The following SORBS2 variants were observed in gnomAD, a reference collection of about 807,000 sequenced individuals.
SORBS2 encodes sorbin and SH3 domain-containing protein 2.
A neutral mutation model predicts 97.7 loss-of-function variants in SORBS2; 46 were observed. The ratio of observed to expected loss-of-function variants is 0.47; its 90% CI spans 0.37 to 0.60. The LOEUF is 0.60. Among genes scored for constraint, SORBS2 ranks in the 20% least tolerant of loss-of-function variants. The pLI, the probability that SORBS2 is intolerant of heterozygous loss-of-function variation, is 0.00. For missense variants in SORBS2, 1,316 were observed against 1,282.3 expected (o/e 1.03, Z -0.40); for synonymous variants, 476 against 473.4 (o/e 1.01, Z -0.07).
intron 1 of SORBS2, among the ~76,000 whole-genome samples, chr4:185,817,679 A>G (rs762058013): frequency 1.3e-5 from 2 of 152,210 alleles, no homozygotes; most frequent in Non-Finnish European, 2.9e-5. Context: ...GGCTCAGCAA[A>G]CAAAACCTGG....
At chr4:185,677,319 T>C (rs1418760208) in intron 4 of SORBS2, 2 of 1,552,332 alleles carry the variant, frequency 1.3e-6, no homozygotes, top group East Asian at 4.9e-5. Flanking sequence ...AGTTTGAGAA[T>C]CTTGCCTGTA....
chr4:185,827,369 T>C (rs62652499), intron 1 of SORBS2, among the ~76,000 whole-genome samples: 1,472 of 2,562 alleles, frequency 0.57, 609 homozygotes, highest in Non-Finnish European at 0.65. Flanking sequence ...ATCATCATCA[T>C]CATCATCATC....
intron 2 of SORBS2, 24 bp from the exon 12 acceptor site, chr4:185,649,680 A>G (rs767453344): frequency 1.5e-6 from 2 of 1,341,112 alleles, no homozygotes; most frequent in Non-Finnish European, 1.9e-6. Flanking sequence ...AAACAAAAGC[A>G]GACAAAAAAC....
chr4:185,890,017 G>T (rs1278328302), intron 1 of SORBS2, among the ~76,000 whole-genome samples: 1 of 152,096 alleles, frequency 6.6e-6, no homozygotes, highest in Non-Finnish European at 1.5e-5. Flanking sequence ...CTCCCAAGTA[G>T]CTGGGATTAC....
Position 185,662,084 on chromosome 4 carries a change from A to T in SORBS2, c.94+20T>A, listed in dbSNP as rs1478887185. The T allele has an allele frequency of 1.9e-6, 3 of 1,613,128 alleles. No individual in the cohort carries two copies. Among genetic ancestry groups the T allele is most frequent in the Admixed American group, 1.7e-5 (1 of 59,960 alleles). On this transcript the variant is annotated intron_variant, in intron 5 of 20. Transcript: ENST00000284776. ...CCGCATTGAGGTTGCCATGGAAATC[A>T]CGGTGAGTAAATTACTTACCGAGGG... is the stretch of plus-strand genomic sequence containing the variant.
rs537590909 is a variant in SORBS2, at chr4:185,674,512, G to C, written c.-46+3911C>G. ...GCCCCACTATGGTACGTTTTTCACT[G>C]AGCTGCCAGAATGATTTTGTTAAAA... On this transcript the variant is annotated intron_variant, in intron 4 of 20. Transcript: ENST00000284776. Among the ~76,000 whole-genome samples, 6 of 152,208 alleles carry C rather than the reference G, an allele frequency of 3.9e-5. No individual in the cohort carries two copies. In the East Asian group the frequency reaches 1.2e-3, roughly 29 times the overall value.
At chr4:185,679,149 G>C (rs1482211059) in intron 2 of SORBS2, among the ~76,000 whole-genome samples, 1 of 152,106 alleles carries the variant, frequency 6.6e-6, no homozygotes, top group Non-Finnish European at 1.5e-5. Flanking sequence ...AGGATCAAAA[G>C]AGATCTGGTT....
chr4:185,950,968 C>T (rs1002701211), intron 1 of SORBS2, among the ~76,000 whole-genome samples: 1 of 152,110 alleles, frequency 6.6e-6, no homozygotes, highest in South Asian at 2.1e-4. Context: ...GGAAAAATAC[C>T]GATAGAGTTT....
chr4:185,621,795 G>A (rs2096724999), intron 7 of SORBS2, among the ~76,000 whole-genome samples: 1 of 152,030 alleles, frequency 6.6e-6, no homozygotes, highest in African/African-American at 2.4e-5. Flanking sequence ...GAATTATTAG[G>A]GGTTTGAATC....
chr4:185,947,830 C>T (rs891882081), intron 1 of SORBS2, among the ~76,000 whole-genome samples: 4 of 152,156 alleles, frequency 2.6e-5, no homozygotes, highest in South Asian at 4.1e-4. Flanking sequence ...AGGCTGGTCT[C>T]GAACTCCTGA....
chr4:185,863,298 G>GAA (rs3080337), intron 1 of SORBS2, among the ~76,000 whole-genome samples: 69,600 of 151,696 alleles, frequency 0.46, 16,435 homozygotes, highest in African/African-American at 0.53. Context: ...TACTGAGGTT[G>GAA]AAAAAGAGAT....
intron 1 of SORBS2, among the ~76,000 whole-genome samples, chr4:185,780,466 G>A (rs1176997521): frequency 6.6e-6 from 1 of 152,180 alleles, no homozygotes; most frequent in African/African-American, 2.4e-5. Context: ...GCCACCTGCT[G>A]AACAATGTAA....
chr4:185,660,756 T>C (rs1043817495), upstream of SORBS2, among the ~76,000 whole-genome samples: 2 of 152,148 alleles, frequency 1.3e-5, no homozygotes, highest in African/African-American at 2.4e-5. Flanking sequence ...TTTAGTTTCT[T>C]TCCCCCTGTT....
intron 1 of SORBS2, among the ~76,000 whole-genome samples, chr4:185,915,021 T>C (rs2099257330): frequency 6.6e-6 from 1 of 152,216 alleles, no homozygotes; most frequent in African/African-American, 2.4e-5. Context: ...GACTGTGTAA[T>C]GAATGACGAC....
intron 2 of SORBS2, among the ~76,000 whole-genome samples, chr4:185,683,014 C>CA (rs35410308): frequency 0.42 from 46,276 of 109,084 alleles, 8,478 homozygotes; most frequent in Non-Finnish European, 0.46. Context: ...CCACCCGTCT[C>CA]AAAAAAAAAA....
intron 1 of SORBS2, among the ~76,000 whole-genome samples, chr4:185,850,210 T>C (rs2099217021): frequency 6.6e-6 from 1 of 152,236 alleles, no homozygotes; most frequent in African/African-American, 2.4e-5. Flanking sequence ...TATGGAAAAA[T>C]GCTAAAGTGA....
chr4:185,762,210 T>C (rs1267013447), intron 2 of SORBS2, among the ~76,000 whole-genome samples: 1 of 152,208 alleles, frequency 6.6e-6, no homozygotes, highest in Non-Finnish European at 1.5e-5. Flanking sequence ...AAGATTCTAA[T>C]TCTCAGTAAC....
chr4:185,702,430 C>G (rs924614870), intron 2 of SORBS2, among the ~76,000 whole-genome samples: 3 of 152,192 alleles, frequency 2.0e-5, no homozygotes, highest in African/African-American at 7.2e-5. Context: ...CTCACTCACT[C>G]TCCCTCTGCC....
At chr4:185,621,430 A>G (rs2096718079) in intron 7 of SORBS2, among the ~76,000 whole-genome samples, 1 of 152,218 alleles carries the variant, frequency 6.6e-6, no homozygotes, top group South Asian at 2.1e-4. Flanking sequence ...ACGTTTCAAA[A>G]ATGTACTCCT....
Sources: allele counts gnomAD v4.1 joint callset (sites outside exome capture counted in the v4.1 genomes callset), GRCh38; gene constraint gnomAD v4.1.1; transcripts MANE v1.5; gene names NCBI Gene and HGNC (gene_info 2026-07-23, HGNC 2026-07-21).